The following AUH variants were observed in gnomAD, a reference collection of about 807,000 sequenced individuals.
The protein encoded by AUH is methylglutaconyl-CoA hydratase, mitochondrial.
Under a neutral mutation model 42.3 loss-of-function variants are expected in AUH, and 29 were observed. The ratio of observed to expected loss-of-function variants is 0.69; its 90% CI spans 0.51 to 0.93. AUH has a LOEUF of 0.93. AUH is among the 40% of genes least tolerant of loss of function. The pLI is 0.00. For missense variants in AUH, 452 were observed against 438.1 expected (o/e 1.03, Z -0.28); for synonymous variants, 174 against 166.4 (o/e 1.05, Z -0.35).
At chr9:91,341,602 C>T (rs755653958) in intron 3 of AUH, among the ~76,000 whole-genome samples, 3 of 152,156 alleles carry the variant, frequency 2.0e-5, no homozygotes, top group Non-Finnish European at 2.9e-5. Flanking sequence ...TTTATTTAAC[C>T]ATGACATTTT....
Position 91,214,031 on chromosome 9 carries a change from T to C in AUH, c.*317A>G. 1 of 288,680 alleles carries C rather than the reference T, an allele frequency of 3.5e-6. No individual in the cohort carries two copies. Among genetic ancestry groups the C allele is most frequent in the Non-Finnish European group, 6.7e-6 (1 of 150,124 alleles). 17.9% of individuals were successfully genotyped at this position (288,680 alleles called of 1,614,324 possible). Reference sequence around the variant, plus strand: ...ATACAATCAATATTATTCCCTAGAATGTGCAATATATAAATTATTCACATT... The same window carrying C: ...ATACAATCAATATTATTCCCTAGAACGTGCAATATATAAATTATTCACATT... On this transcript the variant is annotated 3_prime_UTR_variant, in exon 10 of 10. Coordinates refer to ENST00000375731, the MANE Select transcript of AUH (RefSeq NM_001698.3).
chr9:91,216,126 C>A lies in AUH; in HGVS notation c.895-20G>T. On this transcript the variant is annotated intron_variant, in intron 8 of 9. Coordinates refer to ENST00000375731, the MANE Select transcript of AUH (RefSeq NM_001698.3). ...ATCGACCTGAGAATAAAAACATAAT[C>A]CATTTCAGCAGAAATAACTTTGCGA... The A allele has an allele frequency of 6.2e-7, 1 of 1,609,184 alleles. No individual in the cohort carries two copies. Among genetic ancestry groups the A allele is most frequent in the Admixed American group, 1.7e-5 (1 of 60,020 alleles).
intron 3 of AUH, among the ~76,000 whole-genome samples, chr9:91,332,544 G>A (rs1423248302): frequency 6.6e-6 from 1 of 152,168 alleles, no homozygotes; most frequent in Non-Finnish European, 1.5e-5. Context: ...CTTAAAAAGT[G>A]TAAACTGAAG....
At chr9:91,232,489 A>G (rs1490330773) in intron 6 of AUH, among the ~76,000 whole-genome samples, 1 of 152,220 alleles carries the variant, frequency 6.6e-6, no homozygotes, top group Non-Finnish European at 1.5e-5. Flanking sequence ...GGGGTAGTAA[A>G]TTTATAGCAC....
At chr9:91,316,740 A>G (rs371380484) in intron 4 of AUH, among the ~76,000 whole-genome samples, 1 of 152,170 alleles carries the variant, frequency 6.6e-6, no homozygotes, top group Non-Finnish European at 1.5e-5. Context: ...ATATGTATGC[A>G]TGTATTGATT....
intron 6 of AUH, among the ~76,000 whole-genome samples, chr9:91,286,623 A>G (rs2131595192): frequency 6.6e-6 from 1 of 152,156 alleles, no homozygotes; most frequent in East Asian, 1.9e-4. Context: ...TTGACATTTT[A>G]ATGTTGTTGG....
chr9:91,268,578 A>C (rs1824847127), intron 6 of AUH, among the ~76,000 whole-genome samples: 1 of 151,834 alleles, frequency 6.6e-6, no homozygotes, highest in Non-Finnish European at 1.5e-5. Context: ...CTACAGGCGC[A>C]CGCTGCCACA....
intron 6 of AUH, among the ~76,000 whole-genome samples, chr9:91,265,327 CTTCA>C (rs148024225): frequency 0.12 from 16,956 of 146,096 alleles, 1,080 homozygotes; most frequent in African/African-American, 0.18. Flanking sequence ...GTTACTTCAA[CTTCA>C]TTTTCTCACA....
intron 6 of AUH, among the ~76,000 whole-genome samples, chr9:91,285,975 C>T (rs1046608393): frequency 6.6e-6 from 1 of 152,076 alleles, no homozygotes; most frequent in Non-Finnish European, 1.5e-5. Flanking sequence ...TTATGTAAGC[C>T]TCTTTTTTAA....
chr9:91,232,081 A>G (rs1178673735), intron 6 of AUH, among the ~76,000 whole-genome samples: 3 of 152,216 alleles, frequency 2.0e-5, no homozygotes, highest in Admixed American at 1.3e-4. Flanking sequence ...TACAATGTTT[A>G]CATAGATCAA....
chr9:91,254,626 T>TA (rs1367337389), intron 6 of AUH, among the ~76,000 whole-genome samples: 1 of 152,166 alleles, frequency 6.6e-6, no homozygotes, highest in African/African-American at 2.4e-5. Flanking sequence ...ATTCTAAACA[T>TA]AAGAGATGGG....
At chr9:91,250,877 G>T (rs192234022) in intron 6 of AUH, among the ~76,000 whole-genome samples, 4 of 152,328 alleles carry the variant, frequency 2.6e-5, no homozygotes, top group African/African-American at 4.8e-5. Flanking sequence ...GAGGGATACA[G>T]ATTTCTGCTC....
At chr9:91,333,158 C>T (rs901577655) in intron 3 of AUH, among the ~76,000 whole-genome samples, 6 of 152,184 alleles carry the variant, frequency 3.9e-5, no homozygotes, top group Admixed American at 1.3e-4. Context: ...AGATTTTCCT[C>T]GGCCAAAAGG....
intron 4 of AUH, among the ~76,000 whole-genome samples, chr9:91,313,823 CTTT>C (rs983262629): frequency 9.1e-5 from 5 of 54,796 alleles, no homozygotes; most frequent in Non-Finnish European, 1.0e-4. Context: ...CATAAACGCT[CTTT>C]TTTTTTTTTT....
chr9:91,283,474 G>A (rs1826141923), intron 6 of AUH, among the ~76,000 whole-genome samples: 1 of 152,100 alleles, frequency 6.6e-6, no homozygotes, highest in South Asian at 2.1e-4. Flanking sequence ...CAATCAGGCA[G>A]GAGAAAGAAA....
chr9:91,329,177 T>C (rs1189058295), intron 3 of AUH, among the ~76,000 whole-genome samples: 7 of 152,188 alleles, frequency 4.6e-5, no homozygotes, highest in Non-Finnish European at 7.3e-5. Flanking sequence ...TTTTGGCTAC[T>C]ATGACTAATG....
chr9:91,257,753 A>C (rs1373662523), intron 6 of AUH, among the ~76,000 whole-genome samples: 1 of 152,170 alleles, frequency 6.6e-6, no homozygotes, highest in Non-Finnish European at 1.5e-5. Flanking sequence ...TGCTCTTTGC[A>C]TTTCCATCAA....
At chr9:91,232,475 C>T (rs1827943144) in intron 6 of AUH, among the ~76,000 whole-genome samples, 1 of 152,162 alleles carries the variant, frequency 6.6e-6, no homozygotes, top group South Asian at 2.1e-4. Flanking sequence ...CTCAAACCTT[C>T]CTAGGGGTAG....
intron 1 of AUH, among the ~76,000 whole-genome samples, chr9:91,357,739 C>T (rs781089130): frequency 6.6e-6 from 1 of 152,056 alleles, no homozygotes; most frequent in Non-Finnish European, 1.5e-5. Flanking sequence ...AGGAGAGGGG[C>T]TGACTGCCAG....
Sources: gnomAD v4.1 joint callset for allele counts (sites outside exome capture counted in the v4.1 genomes callset) on GRCh38, gnomAD v4.1.1 for gene constraint, MANE v1.5 for transcripts, NCBI Gene and HGNC (gene_info 2026-07-23, HGNC 2026-07-21) for gene names.